FBLN2: variants seen among roughly 807,000 people sequenced by gnomAD.
FBLN2 encodes the protein fibulin-2.
Under a neutral mutation model 123.7 loss-of-function variants are expected in FBLN2, and 81 were observed. That is an observed-to-expected ratio of 0.65 (90% CI 0.55 to 0.79). The LOEUF (loss-of-function observed/expected upper bound fraction) is 0.79. Among genes scored for constraint, FBLN2 ranks in the 30% least tolerant of loss-of-function variants. FBLN2 has a pLI of 0.00. For missense variants in FBLN2, 1,603 were observed against 1,681.3 expected (o/e 0.95, Z 0.81); for synonymous variants, 699 against 701.4 (o/e 1.00, Z 0.05).
rs532801891 is a variant in FBLN2, at chr3:13,549,140, C to T, written c.-110C>T. The T allele has an allele frequency of 2.9e-3, 2,811 of 982,858 alleles. 5 individuals carry two copies. The highest frequency in any genetic ancestry group is 8.8e-3 in the South Asian group (188 of 21,276). The allele number at this position is 982,858 out of a possible 1,614,324, so 60.9% of individuals were successfully genotyped here. Reference sequence around the variant, plus strand: ...CGCCCCGCGCGCACACAGCCAGGGGCCGCCCGGGCTCTCGACGCGCCGACG... The same window carrying T: ...CGCCCCGCGCGCACACAGCCAGGGGTCGCCCGGGCTCTCGACGCGCCGACG... On this transcript the variant is annotated 5_prime_UTR_variant, in exon 1 of 18. Coordinates refer to ENST00000404922, the MANE Select transcript of FBLN2 (RefSeq NM_001004019.2).
At chr3:13,596,912 T>A (rs1237060569) in intron 2 of FBLN2, among the ~76,000 whole-genome samples, 2 of 150,594 alleles carry the variant, frequency 1.3e-5, no homozygotes, top group South Asian at 4.2e-4. Flanking sequence ...TATTTAAATT[T>A]AAAAAATAAA....
At chr3:13,636,714 A>G in intron 17 of FBLN2, 146 bp downstream of exon 17, 1 of 957,046 alleles carries the variant, frequency 1.0e-6, no homozygotes, top group Non-Finnish European at 1.5e-6. Context: ...TAGGTGACCA[A>G]AACAAATATA....
chr3:13,584,110 G>A (rs901267293), intron 2 of FBLN2, among the ~76,000 whole-genome samples: 2 of 152,244 alleles, frequency 1.3e-5, no homozygotes, highest in Admixed American at 1.3e-4. Flanking sequence ...CCCTGGGGCC[G>A]TGGAGGCCTG....
chr3:13,614,901 T>TATCCATCCATCC (rs113294664), intron 5 of FBLN2, among the ~76,000 whole-genome samples: 25 of 139,704 alleles, frequency 1.8e-4, no homozygotes, highest in East Asian at 1.1e-3. Context: ...TCTATTCATC[T>TATCCATCCATCC]ATCCATCCAT....
At chr3:13,592,581 T>C (rs541244598) in intron 2 of FBLN2, among the ~76,000 whole-genome samples, 54 of 152,352 alleles carry the variant, frequency 3.5e-4, no homozygotes, top group African/African-American at 1.3e-3. Flanking sequence ...TTTGACAGAA[T>C]TGACATCTCA....
intron 13 of FBLN2, 22 bp downstream of exon 13, chr3:13,629,314 AC>A (rs1458977333): frequency 1.3e-6 from 2 of 1,591,978 alleles, no homozygotes; most frequent in Non-Finnish European, 1.7e-6. Context: ...GGTGGCCAGG[AC>A]CCCTGGGGAA....
chr3:13,612,694 T>G (rs61159287), intron 4 of FBLN2, among the ~76,000 whole-genome samples: 49,563 of 152,000 alleles, frequency 0.33, 13,364 homozygotes, highest in African/African-American at 0.75. Flanking sequence ...TCTCTTTTCT[T>G]AGCCTCAGCT....
chr3:13,564,024 G>A (rs1703676998), intron 1 of FBLN2, among the ~76,000 whole-genome samples: 2 of 152,194 alleles, frequency 1.3e-5, no homozygotes, highest in African/African-American at 4.8e-5. Flanking sequence ...GCCCAGGGAA[G>A]CCCTGTTGCT....
chr3:13,629,278 G>A lies in FBLN2; in HGVS notation c.2828G>A (p.Gly943Asp), dbSNP rs771309738. The change falls in exon 13 of 18, where the codon GGC (glycine) becomes GAC (aspartate). Residue 943 changes from glycine (G) to aspartate (D), a missense_variant. By Grantham distance (94) the Gly-to-Asp change is moderately conservative. Transcript: ENST00000404922. ...CKAGFQRDAF[G>D]RGCIDVNECW... ...GCCGGCTTTCAGCGGGATGCCTTTG[G>A]CCGGGGCTGCATCGGTAGGTAGGCT... 1 of 1,609,650 alleles carries A rather than the reference G, an allele frequency of 6.2e-7. No homozygotes were observed. The highest frequency in any genetic ancestry group is 1.1e-5 in the South Asian group (1 of 90,254).
chr3:13,637,547 C>T lies in FBLN2; in HGVS notation c.3339-15C>T. 6.3e-7 allele frequency: 1 copy of T among 1,586,594 alleles called. No homozygotes were observed. Among genetic ancestry groups the T allele is most frequent in the Non-Finnish European group, 8.6e-7 (1 of 1,163,164 alleles). ...GTGGGCGAGCTGTGGGTGACCCGGC[C>T]TATCCTCCCTGCAGGAAGTGCGAGC... On this transcript the variant is annotated splice_polypyrimidine_tract_variant and intron_variant, in intron 17 of 17. Transcript: ENST00000404922.
At chr3:13,635,592 A>T (rs1706432031) in intron 16 of FBLN2, among the ~76,000 whole-genome samples, 1 of 151,982 alleles carries the variant, frequency 6.6e-6, no homozygotes, top group Admixed American at 6.6e-5. Context: ...GGAGTTGCAC[A>T]TGTATGTTTG....
intron 5 of FBLN2, among the ~76,000 whole-genome samples, chr3:13,617,618 TCCAC>T (rs1291528697): frequency 3.0e-4 from 24 of 80,404 alleles, no homozygotes; most frequent in African/African-American, 1.2e-3. Flanking sequence ...CATCCATCCA[TCCAC>T]CCATCCACCC....
chr3:13,565,916 C>T (rs2125038708), intron 1 of FBLN2, among the ~76,000 whole-genome samples: 1 of 152,372 alleles, frequency 6.6e-6, no homozygotes, highest in Middle Eastern at 3.4e-3. Context: ...CCAGGTGACA[C>T]TTCGGCCAGT....
intron 1 of FBLN2, among the ~76,000 whole-genome samples, chr3:13,554,947 CTTTTTTT>C (rs199976666): frequency 0.8 from 113,578 of 141,596 alleles, 45,492 homozygotes; most frequent in East Asian, 0.99. Flanking sequence ...CTTATATTTA[CTTTTTTT>C]TTTTTTTTTT....
chr3:13,581,354 T>C (rs1704321174), intron 2 of FBLN2, among the ~76,000 whole-genome samples: 1 of 152,090 alleles, frequency 6.6e-6, no homozygotes, highest in African/African-American at 2.4e-5. Context: ...CAAAGTCCTT[T>C]CCTGGACGGA....
chr3:13,587,497 C>A (rs1704547103), intron 2 of FBLN2, among the ~76,000 whole-genome samples: 1 of 152,204 alleles, frequency 6.6e-6, no homozygotes, highest in Non-Finnish European at 1.5e-5. Flanking sequence ...AAGCTCCATG[C>A]ATGGTAAGGG....
At chr3:13,636,754 G>A (rs1706487313) in intron 17 of FBLN2, among the ~76,000 whole-genome samples, 186 bp downstream of exon 17, 1 of 152,248 alleles carries the variant, frequency 6.6e-6, no homozygotes, top group African/African-American at 2.4e-5. Context: ...AGGGTTGAGA[G>A]AAGGAAGGGG....
At chr3:13,622,287 G>A (rs547370588) in intron 9 of FBLN2, among the ~76,000 whole-genome samples, 13 of 152,324 alleles carry the variant, frequency 8.5e-5, no homozygotes, top group Admixed American at 7.8e-4. Flanking sequence ...CAGAAGCTCC[G>A]TGGCCTTGGA....
chr3:13,634,888 G>T (rs368197187), intron 16 of FBLN2, among the ~76,000 whole-genome samples: 1 of 152,248 alleles, frequency 6.6e-6, no homozygotes. Context: ...GTTGGCGTGG[G>T]TGCAGAGTCC....
Sources: allele counts gnomAD v4.1 joint callset (sites outside exome capture counted in the v4.1 genomes callset), GRCh38; gene constraint gnomAD v4.1.1; transcripts MANE v1.5; gene names NCBI Gene and HGNC (gene_info 2026-07-23, HGNC 2026-07-21).